Variants in MAP7 observed in about 807,000 individuals in gnomAD.
MAP7 encodes microtubule associated protein 7.
In MAP7, 52 loss-of-function variants were observed where a neutral mutation model predicts 94.8. That is an observed-to-expected ratio of 0.55 (90% confidence interval 0.44 to 0.69). MAP7 has a LOEUF of 0.69. MAP7 is among the 30% of genes least tolerant of loss of function. The pLI, the probability that MAP7 is intolerant of heterozygous loss-of-function variation, is 0.00. For synonymous variants in MAP7, 350 were observed against 357.0 expected (o/e 0.98, Z 0.22); for missense variants, 940 against 964.6 (o/e 0.97, Z 0.34).
chr6:136,526,215 A>C, intron 1 of MAP7: 1 of 1,193,198 alleles, frequency 8.4e-7, no homozygotes, highest in Non-Finnish European at 1.0e-6. Context: ...CCTCCCACTG[A>C]CTCCCCGACA....
intron 3 of MAP7, among the ~76,000 whole-genome samples, chr6:136,397,878 G>A (rs950518325): frequency 6.6e-6 from 1 of 152,152 alleles, no homozygotes; most frequent in African/African-American, 2.4e-5. Context: ...TAAAAGAACA[G>A]TATGTCCAAA....
chr6:136,492,243 A>G (rs1489004282), intron 1 of MAP7, among the ~76,000 whole-genome samples: 1 of 152,234 alleles, frequency 6.6e-6, no homozygotes, highest in African/African-American at 2.4e-5. Flanking sequence ...TAGGCAGTAA[A>G]TACAACACAC....
intron 16 of MAP7, among the ~76,000 whole-genome samples, chr6:136,346,891 G>A (rs941237229): frequency 9.2e-5 from 14 of 152,054 alleles, no homozygotes; most frequent in African/African-American, 3.1e-4. Context: ...AAGCCATTTC[G>A]CACACTTTCT....
At chr6:136,454,796 G>A (rs898303207) in intron 1 of MAP7, among the ~76,000 whole-genome samples, 1 of 152,070 alleles carries the variant, frequency 6.6e-6, no homozygotes, top group Non-Finnish European at 1.5e-5. Flanking sequence ...CTACTTGGGA[G>A]GCTGATATGG....
intron 1 of MAP7, among the ~76,000 whole-genome samples, chr6:136,532,793 T>C (rs76911262): frequency 2.0e-4 from 31 of 152,366 alleles, no homozygotes; most frequent in African/African-American, 7.5e-4. Context: ...CTTACTCGCA[T>C]GGCTTCATTT....
At chr6:136,411,795 G>A in intron 2 of MAP7, 98 bp from the exon 3 acceptor site, 2 of 948,572 alleles carry the variant, frequency 2.1e-6, no homozygotes, top group Non-Finnish European at 3.2e-6. Flanking sequence ...TAAATCTGAA[G>A]AATAATATAT....
chr6:136,344,236 C>T lies in MAP7; in HGVS notation c.2242G>A (p.Val748Ile). ...TTCTTCAGAAGAAACACTCATATAA[C>T]TTCTACATGAAGAGACAGAAAAAGA... ...DGVQTQQTAE[V>I]I The change falls in exon 18 of 18, where the codon GTT (valine) becomes ATT (isoleucine). Residue 748 changes from valine to isoleucine, a missense_variant and splice_region_variant. Coordinates refer to ENST00000354570, the MANE Select transcript of MAP7 (RefSeq NM_003980.6). 7.5e-7 allele frequency: 1 copy of T among 1,329,724 alleles called. No individual in the cohort carries two copies. Among genetic ancestry groups the T allele is most frequent in the Non-Finnish European group, 1.0e-6 (1 of 996,618 alleles). The allele number at this position is 1,329,724 out of a possible 1,614,324, so 82.4% of individuals were successfully genotyped here.
At chr6:136,485,429 T>C (rs1477313560) in intron 1 of MAP7, among the ~76,000 whole-genome samples, 1 of 152,176 alleles carries the variant, frequency 6.6e-6, no homozygotes, top group African/African-American at 2.4e-5. Context: ...ATTCTCTTTG[T>C]AAATCAAATG....
At chr6:136,513,888 T>C (rs1327906611) in intron 1 of MAP7, among the ~76,000 whole-genome samples, 2 of 152,130 alleles carry the variant, frequency 1.3e-5, no homozygotes, top group Admixed American at 1.3e-4. Context: ...TTATATAAAT[T>C]GCATGTGTTT....
intron 1 of MAP7, among the ~76,000 whole-genome samples, chr6:136,440,063 C>T (rs1483357397): frequency 6.6e-6 from 1 of 152,148 alleles, no homozygotes; most frequent in Non-Finnish European, 1.5e-5. Flanking sequence ...AGCTTGAAGG[C>T]CAAAGCACCA....
chr6:136,446,227 T>A (rs1481030642), intron 1 of MAP7, among the ~76,000 whole-genome samples: 1 of 151,148 alleles, frequency 6.6e-6, no homozygotes, highest in African/African-American at 2.4e-5. Flanking sequence ...GAGAAGATTG[T>A]CATCAGAGGT....
intron 10 of MAP7, among the ~76,000 whole-genome samples, chr6:136,363,736 GA>G (rs1239782115): frequency 1.3e-5 from 2 of 152,036 alleles, no homozygotes; most frequent in African/African-American, 2.4e-5. Context: ...GGGCCTTCTG[GA>G]AAAAAATTCT....
chr6:136,432,508 C>T (rs1015339718), intron 1 of MAP7, among the ~76,000 whole-genome samples: 2 of 152,126 alleles, frequency 1.3e-5, no homozygotes, highest in African/African-American at 2.4e-5. Flanking sequence ...GGAATTCAAA[C>T]GCCTTAGCAG....
chr6:136,456,869 A>AAGAAGAAGAAGAAGAAGAAGAAGG (rs1803393151), intron 1 of MAP7, among the ~76,000 whole-genome samples: 6 of 147,900 alleles, frequency 4.1e-5, no homozygotes, highest in Non-Finnish European at 9.2e-5. Context: ...GAAGAAGAAG[A>AAGAAGAAGAAGAAGAAGAAGAAGG]AGAAATACTT....
chr6:136,349,705 G>T (rs1485337771), intron 16 of MAP7, among the ~76,000 whole-genome samples: 1 of 152,110 alleles, frequency 6.6e-6, no homozygotes, highest in Non-Finnish European at 1.5e-5. Context: ...TTAAAATCTG[G>T]CCAGAATTGT....
At chr6:136,382,872 T>G (rs1322304881) in intron 6 of MAP7, among the ~76,000 whole-genome samples, 3 of 152,204 alleles carry the variant, frequency 2.0e-5, no homozygotes, top group Non-Finnish European at 4.4e-5. Flanking sequence ...AGTATGGGCT[T>G]CATATTGCAC....
intron 1 of MAP7, chr6:136,526,088 G>T (rs1827772623): frequency 2.5e-5 from 35 of 1,424,450 alleles, no homozygotes; most frequent in Non-Finnish European, 3.1e-5. Flanking sequence ...ACTTGTAATA[G>T]ATCCCCTATG....
At chr6:136,352,207 T>TA (rs1554228248) in intron 16 of MAP7, among the ~76,000 whole-genome samples, 2 of 150,608 alleles carry the variant, frequency 1.3e-5, no homozygotes, top group East Asian at 3.9e-4. Flanking sequence ...TTTTTTTTTT[T>TA]AACAGGGTCC....
At chr6:136,357,089 G>T (rs2128550651) in intron 15 of MAP7, among the ~76,000 whole-genome samples, 1 of 152,306 alleles carries the variant, frequency 6.6e-6, no homozygotes, top group Admixed American at 6.5e-5. Flanking sequence ...AAAGTTACAT[G>T]AAGTATATAA....
Sources: allele counts gnomAD v4.1 joint callset (sites outside exome capture counted in the v4.1 genomes callset), GRCh38; gene constraint gnomAD v4.1.1; transcripts MANE v1.5; gene names NCBI Gene and HGNC (gene_info 2026-07-23, HGNC 2026-07-21).